Variants in VDAC2 observed in about 807,000 individuals in gnomAD.
VDAC2 encodes non-selective voltage-gated ion channel VDAC2.
A neutral mutation model predicts 36.6 loss-of-function variants in VDAC2; 6 were observed. That is an observed-to-expected ratio of 0.16 (90% CI 0.09 to 0.32). The LOEUF (loss-of-function observed/expected upper bound fraction) is 0.32. VDAC2 is among the 10% of genes least tolerant of loss of function. The pLI is 1.00. For synonymous variants in VDAC2, 109 were observed against 123.8 expected (o/e 0.88, Z 0.79); for missense variants, 247 against 346.0 (o/e 0.71, Z 2.27).
At chr10:75,222,583 C>T (rs1019096817) in intron 8 of VDAC2, among the ~76,000 whole-genome samples, 181 bp downstream of exon 8, 2 of 152,168 alleles carry the variant, frequency 1.3e-5, no homozygotes, top group African/African-American at 4.8e-5. Flanking sequence ...TATTTCCAGG[C>T]CAGGCTGGTG....
intron 3 of VDAC2, among the ~76,000 whole-genome samples, chr10:75,212,602 T>C (rs181716464): frequency 5.3e-5 from 8 of 152,234 alleles, no homozygotes; most frequent in African/African-American, 1.9e-4. Flanking sequence ...TTATTTTTCG[T>C]AGAGGTGGGG....
chr10:75,220,614 C>G, intron 6 of VDAC2, 129 bp from the exon 7 acceptor site: 1 of 737,130 alleles, frequency 1.4e-6, no homozygotes, highest in East Asian at 2.7e-5. Context: ...GACTTTTTTA[C>G]TCCCTGTTAT....
At chr10:75,219,272 AAAG>A (rs772294270) in intron 5 of VDAC2, 29 bp from the exon 6 acceptor site, 6 of 1,569,444 alleles carry the variant, frequency 3.8e-6, no homozygotes, top group Admixed American at 1.9e-5. Flanking sequence ...TATTTCAAAA[AAAG>A]AAAACAAATT....
chr10:75,216,881 G>A (rs1171246845), intron 4 of VDAC2, among the ~76,000 whole-genome samples: 6 of 152,258 alleles, frequency 3.9e-5, no homozygotes, highest in African/African-American at 9.6e-5. Flanking sequence ...ATATGAAAAC[G>A]TACAAACTTT....
chr10:75,227,970 C>G (rs1842007858), intron 8 of VDAC2, among the ~76,000 whole-genome samples: 1 of 151,574 alleles, frequency 6.6e-6, no homozygotes, highest in Admixed American at 6.6e-5. Context: ...TCTCCACTCA[C>G]TGCAACCTCC....
intron 3 of VDAC2, among the ~76,000 whole-genome samples, chr10:75,213,654 G>C (rs1841501611): frequency 6.6e-6 from 1 of 152,144 alleles, no homozygotes; most frequent in Admixed American, 6.5e-5. Context: ...TGAGGCAGGA[G>C]AATCGCTTGA....
chr10:75,215,758 G>C (rs1405257256), intron 4 of VDAC2, among the ~76,000 whole-genome samples: 1 of 147,090 alleles, frequency 6.8e-6, no homozygotes, highest in Non-Finnish European at 1.5e-5. Context: ...GTCTTGCTCT[G>C]TCGCCCAGGC....
At chr10:75,212,201 T>A (rs777173685) in intron 2 of VDAC2, 29 bp from the exon 3 acceptor site, 3 of 1,603,088 alleles carry the variant, frequency 1.9e-6, no homozygotes, top group Non-Finnish European at 2.6e-6. Context: ...AATAGAGACA[T>A]TAACACTGGA....
chr10:75,229,140 G>A (rs1210183403), intron 8 of VDAC2, among the ~76,000 whole-genome samples: 1 of 151,956 alleles, frequency 6.6e-6, no homozygotes, highest in Non-Finnish European at 1.5e-5. Context: ...ATTCTTCAGA[G>A]GAATTACTTG....
intron 2 of VDAC2, chr10:75,211,726 T>C: frequency 6.6e-7 from 1 of 1,526,308 alleles, no homozygotes; most frequent in South Asian, 1.2e-5. Context: ...CATGGCAGTA[T>C]TTTTTCCAAG....
At chr10:75,227,530 T>G (rs1481773341) in intron 8 of VDAC2, among the ~76,000 whole-genome samples, 1 of 151,690 alleles carries the variant, frequency 6.6e-6, no homozygotes, top group East Asian at 1.9e-4. Flanking sequence ...TTTTTTCTAC[T>G]CCTTATCACA....
At chr10:75,218,838 C>T (rs535160288) in intron 4 of VDAC2, among the ~76,000 whole-genome samples, 52 of 152,084 alleles carry the variant, frequency 3.4e-4, no homozygotes, top group African/African-American at 1.2e-3. Flanking sequence ...GAAGTGTCAG[C>T]TGTGTATGTA....
intron 4 of VDAC2, among the ~76,000 whole-genome samples, chr10:75,217,724 G>C (rs1188758024): frequency 6.6e-6 from 1 of 152,124 alleles, no homozygotes; most frequent in African/African-American, 2.4e-5. Flanking sequence ...GCTTTGACTT[G>C]AAATTCCTGT....
intron 8 of VDAC2, among the ~76,000 whole-genome samples, chr10:75,227,283 C>G (rs1475367026): frequency 2.0e-5 from 3 of 152,172 alleles, no homozygotes; most frequent in Admixed American, 1.3e-4. Context: ...TATAACCAGT[C>G]TGTAAGAAGC....
chr10:75,219,673 C>T (rs914166899), intron 6 of VDAC2, among the ~76,000 whole-genome samples: 4 of 151,356 alleles, frequency 2.6e-5, no homozygotes, highest in South Asian at 2.1e-4. Context: ...TTAGTAGAGG[C>T]GGGGTTTCGC....
chr10:75,214,650 T>C (rs1396833440), intron 4 of VDAC2, among the ~76,000 whole-genome samples: 1 of 152,072 alleles, frequency 6.6e-6, no homozygotes, highest in East Asian at 1.9e-4. Flanking sequence ...TCAGCCTCTC[T>C]AGTAGCTGGA....
intron 8 of VDAC2, among the ~76,000 whole-genome samples, chr10:75,226,888 C>T (rs1841969910): frequency 6.6e-6 from 1 of 152,168 alleles, no homozygotes; most frequent in Non-Finnish European, 1.5e-5. Flanking sequence ...AAACCTTCTG[C>T]CTTGGGGAGG....
At position 75,227,577 on chromosome 10, in the gene VDAC2, A is replaced by ATTTTTTTTTTTTTTTTTT. The variant is rs35378957; in HGVS notation, c.736-2063_736-2046dup. Among the ~76,000 whole-genome samples, 14 of 99,932 alleles carry ATTTTTTTTTTTTTTTTTT rather than the reference A, an allele frequency of 1.4e-4. 1 individual carries two copies. Among genetic ancestry groups the ATTTTTTTTTTTTTTTTTT allele is most frequent in the African/African-American group, 5.8e-4 (13 of 22,238 alleles). 65.6% of individuals were successfully genotyped at this position (99,932 alleles called of 152,430 possible). On this transcript the variant is annotated intron_variant, in intron 8 of 9. Transcript: ENST00000332211. ...TAACTCTTACTGTTAAATAATAGGA[A>ATTTTTTTTTTTTTTTTTT]TTTTTTTTTTTTTTTTTTTTTGGAG...
At chr10:75,218,951 A>AGGAT in intron 4 of VDAC2, 112 bp from the exon 5 acceptor site, 2 of 1,136,566 alleles carry the variant, frequency 1.8e-6, no homozygotes, top group Non-Finnish European at 2.5e-6. Context: ...TAGAAAAAGG[A>AGGAT]TTCATGAATT....
Sources: gnomAD v4.1 joint callset for allele counts (sites outside exome capture counted in the v4.1 genomes callset) on GRCh38, gnomAD v4.1.1 for gene constraint, MANE v1.5 for transcripts, NCBI Gene and HGNC (gene_info 2026-07-23, HGNC 2026-07-21) for gene names.